RPA3: variants seen among roughly 807,000 people sequenced by gnomAD.
RPA3 encodes the protein replication protein A 14 kDa subunit.
Under a neutral mutation model 13.7 loss-of-function variants are expected in RPA3, and 24 were observed. The ratio of observed to expected loss-of-function variants is 1.75; its 90% confidence interval spans 1.27 to 2.46. The LOEUF (loss-of-function observed/expected upper bound fraction) is 2.46. Ranked by LOEUF, RPA3 falls within the 30% of genes most tolerant of loss-of-function variation. The pLI, the probability that RPA3 is intolerant of heterozygous loss-of-function variation, is 0.00. For synonymous variants in RPA3, 59 were observed against 51.2 expected (o/e 1.15, Z -0.65); for missense variants, 183 against 151.0 (o/e 1.21, Z -1.11).
At chr7:7,653,505 CA>C (rs28916268) in intron 4 of RPA3, among the ~76,000 whole-genome samples, 4 of 151,942 alleles carry the variant, frequency 2.6e-5, no homozygotes, top group Non-Finnish European at 4.4e-5. Context: ...TATAGCATTA[CA>C]AAAAAAACCT....
chr7:7,702,386 T>A (rs999148270), intron 2 of RPA3, among the ~76,000 whole-genome samples: 1 of 152,176 alleles, frequency 6.6e-6, no homozygotes, highest in Non-Finnish European at 1.5e-5. Flanking sequence ...TTATTATCTC[T>A]TATTTTTTAA....
chr7:7,639,736 C>T (rs1784922612), intron 5 of RPA3, among the ~76,000 whole-genome samples: 1 of 152,204 alleles, frequency 6.6e-6, no homozygotes, highest in Non-Finnish European at 1.5e-5. Context: ...AAATGAGCTA[C>T]TAAATAAGTC....
chr7:7,698,950 G>T (rs1432012544), intron 2 of RPA3, among the ~76,000 whole-genome samples: 1 of 150,820 alleles, frequency 6.6e-6, no homozygotes, highest in Non-Finnish European at 1.5e-5. Flanking sequence ...GACTTCCCTG[G>T]GCTCAGTGAT....
chr7:7,696,713 C>A lies in RPA3; in HGVS notation c.-1027-9385G>T, dbSNP rs113839742. The stretch of plus-strand genomic sequence containing the variant: ...CGTAAAGATTTTTCTGCCTCTAGAA[C>A]TGCTCAAAGTCAGCTCTCAATAGTG... On this transcript the variant is annotated intron_variant, in intron 2 of 7. Transcript: ENST00000223129. Among the ~76,000 whole-genome samples the A allele has an allele frequency of 3.0e-3, 459 of 152,266 alleles. 1 individual carries two copies. Among genetic ancestry groups the A allele is most frequent in the African/African-American group, 0.011 (441 of 41,556 alleles).
At chr7:7,672,748 CTCCT>C (rs1779638571) in intron 4 of RPA3, among the ~76,000 whole-genome samples, 1 of 152,170 alleles carries the variant, frequency 6.6e-6, no homozygotes, top group South Asian at 2.1e-4. Flanking sequence ...TCAATTAAAT[CTCCT>C]TTCTTTATAA....
At chr7:7,678,206 C>G (rs975763147) in intron 4 of RPA3, among the ~76,000 whole-genome samples, 3 of 151,788 alleles carry the variant, frequency 2.0e-5, no homozygotes, top group African/African-American at 7.3e-5. Context: ...TTCCTGCCAC[C>G]AGGGTATGAG....
chr7:7,666,082 T>C (rs1779445792), intron 4 of RPA3, among the ~76,000 whole-genome samples: 1 of 152,214 alleles, frequency 6.6e-6, no homozygotes, highest in African/African-American at 2.4e-5. Context: ...ACTGCCAAAC[T>C]GTTGTCCACA....
chr7:7,659,698 C>T (rs1236518982), intron 4 of RPA3, among the ~76,000 whole-genome samples: 2 of 152,056 alleles, frequency 1.3e-5, no homozygotes, highest in Non-Finnish European at 2.9e-5. Context: ...TTTTGCATTT[C>T]CTGAGGAGTG....
intron 2 of RPA3, among the ~76,000 whole-genome samples, chr7:7,708,952 GGA>G (rs1027213456): frequency 6.6e-6 from 1 of 151,072 alleles, no homozygotes; most frequent in African/African-American, 2.4e-5. Flanking sequence ...AGAGAGAGAG[GGA>G]GAGAGAGAGA....
intron 4 of RPA3, among the ~76,000 whole-genome samples, chr7:7,673,710 CCT>C (rs377498749): frequency 1.1e-3 from 151 of 132,354 alleles, no homozygotes; most frequent in Admixed American, 1.6e-3. Context: ...TTTTTCCCCC[CCT>C]TTTTTTTTTT....
At chr7:7,684,833 A>G (rs918365826) in intron 4 of RPA3, among the ~76,000 whole-genome samples, 1 of 152,224 alleles carries the variant, frequency 6.6e-6, no homozygotes, top group Non-Finnish European at 1.5e-5. Flanking sequence ...CCATGTTTTA[A>G]TACAACTATT....
intron 1 of RPA3, among the ~76,000 whole-genome samples, chr7:7,716,026 G>T (rs1040089806): frequency 1.1e-4 from 16 of 152,240 alleles, no homozygotes; most frequent in African/African-American, 3.9e-4. Context: ...TTTTAAATTA[G>T]AAACTAATAT....
intron 7 of RPA3, among the ~76,000 whole-genome samples, chr7:7,637,286 A>T (rs1784880607): frequency 6.6e-6 from 1 of 152,178 alleles, no homozygotes; most frequent in South Asian, 2.1e-4. Flanking sequence ...GATGTTCATT[A>T]TACAGGCAGT....
intron 1 of RPA3, among the ~76,000 whole-genome samples, chr7:7,717,066 T>TTTC (rs1780931551): frequency 1.3e-5 from 2 of 150,976 alleles, no homozygotes; most frequent in African/African-American, 4.9e-5. Flanking sequence ...TTTTCTTTTT[T>TTTC]TTTTTTTTGA....
intron 5 of RPA3, 63 bp from the exon 6 acceptor site, chr7:7,639,207 G>T (rs1012278355): frequency 4.7e-5 from 59 of 1,245,834 alleles, no homozygotes; most frequent in Non-Finnish European, 6.7e-5. Context: ...CTAAAGATGA[G>T]TACATTGATC....
chr7:7,653,831 G>A lies in RPA3; in HGVS notation c.-757-12656C>T, dbSNP rs570737131. Among the ~76,000 whole-genome samples the A allele has an allele frequency of 3.3e-5, 5 of 152,320 alleles. No homozygotes were observed. The East Asian group carries it at 9.6e-4, about 29-fold the overall frequency. On this transcript the variant is annotated intron_variant, in intron 4 of 7. Transcript: ENST00000223129. ...TCTGCAGGCATTTTTGGTTGTCACAGCTGGGGGATAGGAAGGCACTTAGTG... is the reference window on the plus strand; with the variant it reads ...TCTGCAGGCATTTTTGGTTGTCACAACTGGGGGATAGGAAGGCACTTAGTG...
rs759590301 is a variant in RPA3, at chr7:7,640,377, G to C, written c.42C>G (p.Ala14=). The C allele has an allele frequency of 5.6e-6, 9 of 1,613,940 alleles. No homozygotes were observed. The highest frequency in any genetic ancestry group is 7.6e-6 in the Non-Finnish European group (9 of 1,180,030). ...MMDLPRSRIN[A]GMLAQFIDKP... ...TGTCGATGAATTGAGCTAGCATGCCGGCGTTGATGCGCGACCTGGGCAAGT... is the reference window on the plus strand; with the variant it reads ...TGTCGATGAATTGAGCTAGCATGCCCGCGTTGATGCGCGACCTGGGCAAGT... The change falls in exon 5 of 8, where the codon GCC becomes GCG. Residue 14 remains alanine (A), a synonymous_variant. Coordinates refer to ENST00000223129, the MANE Select transcript of RPA3 (RefSeq NM_002947.5).
intron 4 of RPA3, among the ~76,000 whole-genome samples, chr7:7,642,141 G>C (rs568850617): frequency 6.1e-4 from 92 of 151,980 alleles, no homozygotes; most frequent in Non-Finnish European, 1.2e-3. Flanking sequence ...GTCTTTAATA[G>C]CATTTTTTTT....
rs1463958679 is a variant in RPA3, at chr7:7,636,703, G to A, written c.*297C>T. ...AATACATGATTAAAAGAATGAAAAT[G>A]AAATGACCGATAGTACGTACCATTT... On this transcript the variant is annotated 3_prime_UTR_variant, in exon 8 of 8. Transcript: ENST00000223129. 1 of 244,748 alleles carries A rather than the reference G, an allele frequency of 4.1e-6. No homozygotes were observed. 15.2% of individuals were successfully genotyped at this position (244,748 alleles called of 1,614,324 possible).
Sources: gnomAD v4.1 joint callset for allele counts (sites outside exome capture counted in the v4.1 genomes callset) on GRCh38, gnomAD v4.1.1 for gene constraint, MANE v1.5 for transcripts, NCBI Gene and HGNC (gene_info 2026-07-23, HGNC 2026-07-21) for gene names.